Variants in KCNIP4 observed in about 807,000 individuals in gnomAD.
KCNIP4 encodes the protein potassium voltage-gated channel interacting protein 4, also known as Kv channel-interacting protein 4.
Under a neutral mutation model 34.0 loss-of-function variants are expected in KCNIP4, and 12 were observed. The ratio of observed to expected loss-of-function variants is 0.35; its 90% CI spans 0.23 to 0.57. The LOEUF (loss-of-function observed/expected upper bound fraction) is 0.57. KCNIP4 is among the 20% of genes least tolerant of loss of function. The probability of loss-of-function intolerance (pLI) is 0.83; values close to 1 mark genes in which losing one functional copy is unlikely to be tolerated. For missense variants in KCNIP4, 238 were observed against 311.7 expected (o/e 0.76, Z 1.78); for synonymous variants, 124 against 102.2 (o/e 1.21, Z -1.29).
chr4:21,816,367 A>G lies in KCNIP4; in HGVS notation c.61+132204T>C, dbSNP rs568015988. Among the ~76,000 whole-genome samples, 10 of 152,302 alleles carry G rather than the reference A, an allele frequency of 6.6e-5. No individual in the cohort carries two copies. The South Asian group carries it at 1.2e-3, about 19-fold the overall frequency. On this transcript the variant is annotated intron_variant, in intron 1 of 8. Transcript: ENST00000382152. ...CAACAACCAAGCTATAATATAACTC[A>G]TCTTTGTAAGGGAGACACTTAAAAA...
chr4:20,736,239 C>A (rs919531165), intron 5 of KCNIP4, among the ~76,000 whole-genome samples: 3 of 151,996 alleles, frequency 2.0e-5, no homozygotes, highest in Admixed American at 1.3e-4. Flanking sequence ...GACTTCTATA[C>A]TTTTTTTTCC....
At chr4:21,774,027 T>C (rs1719008719) in intron 1 of KCNIP4, among the ~76,000 whole-genome samples, 1 of 152,112 alleles carries the variant, frequency 6.6e-6, no homozygotes, top group South Asian at 2.1e-4. Flanking sequence ...AGTTTCTTCA[T>C]AGTGTCATTG....
chr4:21,492,316 T>A (rs1732479293), intron 1 of KCNIP4, among the ~76,000 whole-genome samples: 2 of 152,170 alleles, frequency 1.3e-5, no homozygotes, highest in African/African-American at 4.8e-5. Flanking sequence ...ACTCCGGGAC[T>A]CAAGTGATCC....
At chr4:21,393,067 A>T (rs1722695768) in intron 1 of KCNIP4, among the ~76,000 whole-genome samples, 2 of 152,156 alleles carry the variant, frequency 1.3e-5, no homozygotes, top group Non-Finnish European at 2.9e-5. Context: ...ATTTGTTGTG[A>T]TGATGTATCA....
chr4:21,467,079 C>A (rs754467557), intron 1 of KCNIP4, among the ~76,000 whole-genome samples: 1 of 55,490 alleles, frequency 1.8e-5, no homozygotes, highest in Non-Finnish European at 3.7e-5. Flanking sequence ...AACAAACACA[C>A]ACACACACAC....
intron 1 of KCNIP4, among the ~76,000 whole-genome samples, chr4:20,946,037 A>G (rs548758720): frequency 6.6e-6 from 1 of 152,334 alleles, no homozygotes; most frequent in African/African-American, 2.4e-5. Flanking sequence ...CATTAAAAAA[A>G]TACTGAGAAG....
chr4:20,937,791 G>A (rs1292950050), intron 1 of KCNIP4, among the ~76,000 whole-genome samples: 1 of 152,152 alleles, frequency 6.6e-6, no homozygotes, highest in East Asian at 1.9e-4. Context: ...CTTATTTACA[G>A]CCCAGCTATA....
intron 1 of KCNIP4, among the ~76,000 whole-genome samples, chr4:21,787,666 C>G (rs1055784673): frequency 2.0e-5 from 3 of 152,202 alleles, no homozygotes. Flanking sequence ...CTGATCTTCT[C>G]ACTGATTTGC....
chr4:21,391,213 T>C (rs1024957818), intron 1 of KCNIP4, among the ~76,000 whole-genome samples: 4 of 152,218 alleles, frequency 2.6e-5, no homozygotes, highest in African/African-American at 9.6e-5. Context: ...AAAGAGTACC[T>C]ACTATGTTCC....
intron 1 of KCNIP4, among the ~76,000 whole-genome samples, chr4:21,357,426 T>C (rs1368357097): frequency 6.6e-6 from 1 of 151,996 alleles, no homozygotes; most frequent in Non-Finnish European, 1.5e-5. Flanking sequence ...ATCTGACAAA[T>C]GGCTAATATC....
At chr4:21,665,055 G>A (rs1748737190) in intron 1 of KCNIP4, among the ~76,000 whole-genome samples, 1 of 152,112 alleles carries the variant, frequency 6.6e-6, no homozygotes, top group African/African-American at 2.4e-5. Flanking sequence ...TATTTTTGGT[G>A]AAGATTAAAT....
At chr4:21,308,719 T>A (rs1208074312) in intron 1 of KCNIP4, among the ~76,000 whole-genome samples, 2 of 151,934 alleles carry the variant, frequency 1.3e-5, no homozygotes, top group African/African-American at 4.8e-5. Flanking sequence ...TGAGTGTGTG[T>A]GTGTGTGTGT....
At chr4:21,787,441 T>G (rs1056203735) in intron 1 of KCNIP4, among the ~76,000 whole-genome samples, 14 of 152,198 alleles carry the variant, frequency 9.2e-5, no homozygotes, top group African/African-American at 3.1e-4. Flanking sequence ...GGTTAGATGC[T>G]CTCTCATTTA....
chr4:21,496,550 C>T (rs1445259526), intron 1 of KCNIP4, among the ~76,000 whole-genome samples: 2 of 152,184 alleles, frequency 1.3e-5, no homozygotes, highest in African/African-American at 4.8e-5. Context: ...TGACTAGTCT[C>T]CCTGCCTCCA....
At chr4:20,773,127 T>C (rs2149381993) in intron 3 of KCNIP4, among the ~76,000 whole-genome samples, 1 of 152,300 alleles carries the variant, frequency 6.6e-6, no homozygotes, top group Non-Finnish European at 1.5e-5. Flanking sequence ...TTGTAGCTTT[T>C]GGAATCTAAC....
rs751786552 is a variant in KCNIP4, at chr4:21,059,794, A to T, written c.62-177085T>A. Among the ~76,000 whole-genome samples the T allele has an allele frequency of 1.3e-5, 2 of 152,144 alleles. 1 individual carries two copies. The highest frequency in any genetic ancestry group is 4.8e-5 in the African/African-American group (2 of 41,438). On this transcript the variant is annotated intron_variant, in intron 1 of 8. Coordinates refer to ENST00000382152, the MANE Select transcript of KCNIP4 (RefSeq NM_025221.6). ...ATTTATATGCATCTCTTTTCATTTCATTCATTTATCACTTTAGTCACTCAA... is the reference window on the plus strand; with the variant it reads ...ATTTATATGCATCTCTTTTCATTTCTTTCATTTATCACTTTAGTCACTCAA...
chr4:21,715,740 A>T (rs1714323709), intron 1 of KCNIP4, among the ~76,000 whole-genome samples: 1 of 152,210 alleles, frequency 6.6e-6, no homozygotes, highest in Non-Finnish European at 1.5e-5. Flanking sequence ...GTCAGGGGTG[A>T]GTTGCATCCA....
chr4:21,479,030 C>CT, intron 1 of KCNIP4, among the ~76,000 whole-genome samples: 1 of 152,258 alleles, frequency 6.6e-6, no homozygotes, highest in South Asian at 2.1e-4. Flanking sequence ...ATGCCAATCA[C>CT]TTTTTTCAGG....
chr4:21,156,521 A>G (rs1407586532), intron 1 of KCNIP4, among the ~76,000 whole-genome samples: 1 of 152,194 alleles, frequency 6.6e-6, no homozygotes, highest in Non-Finnish European at 1.5e-5. Flanking sequence ...TGTGACATAC[A>G]TGAGAAATAT....
Sources: gnomAD v4.1 joint callset for allele counts (sites outside exome capture counted in the v4.1 genomes callset) on GRCh38, gnomAD v4.1.1 for gene constraint, MANE v1.5 for transcripts, NCBI Gene and HGNC (gene_info 2026-07-23, HGNC 2026-07-21) for gene names.